The following SNAPIN variants were observed in gnomAD, a reference collection of about 807,000 sequenced individuals.
SNAPIN encodes the protein SNAP associated protein.
In SNAPIN, 16 loss-of-function variants were observed where a neutral mutation model predicts 15.9. The ratio of observed to expected loss-of-function variants is 1.01; its 90% CI spans 0.68 to 1.53. SNAPIN has a LOEUF of 1.53. Ranked by LOEUF, SNAPIN falls within the 40% of genes most tolerant of loss-of-function variation. The pLI is 0.00. For synonymous variants in SNAPIN, 83 were observed against 76.2 expected (o/e 1.09, Z -0.46); for missense variants, 186 against 180.1 (o/e 1.03, Z -0.19).
At chr1:153,659,105 G>T (rs1557948627) in intron 1 of SNAPIN, 33 bp from the exon 2 acceptor site, 3 of 1,613,156 alleles carry the variant, frequency 1.9e-6, no homozygotes, top group Non-Finnish European at 2.5e-6. Flanking sequence ...TCCGGTAACT[G>T]CCTGACCTTG....
Position 153,661,581 on chromosome 1 carries a change from C to T in SNAPIN, c.*280C>T, listed in dbSNP as rs1669165405. 3 of 266,512 alleles carry T rather than the reference C, an allele frequency of 1.1e-5. No homozygotes were observed. Among genetic ancestry groups the T allele is most frequent in the Non-Finnish European group, 2.2e-5 (3 of 133,552 alleles). The allele number at this position is 266,512 out of a possible 1,614,324, so 16.5% of individuals were successfully genotyped here. Reference sequence around the variant, plus strand: ...TCTACTTTTTTTTTTAAGCTGCATACGTGAGGCTTACCTTCTTCAGGACTA... The same window carrying T: ...TCTACTTTTTTTTTTAAGCTGCATATGTGAGGCTTACCTTCTTCAGGACTA... On this transcript the variant is annotated 3_prime_UTR_variant, in exon 4 of 4. Transcript: ENST00000368685.
chr1:153,659,083 C>T, intron 1 of SNAPIN, 55 bp from the exon 2 acceptor site: 6 of 1,597,084 alleles, frequency 3.8e-6, no homozygotes, highest in Non-Finnish European at 5.2e-6. Context: ...TAGGGGAGTT[C>T]GTTTCCTGAG....
At chr1:153,658,702 G>A (rs529095398), upstream of SNAPIN, 1 of 1,486,880 alleles carries the variant, frequency 6.7e-7, no homozygotes, top group Non-Finnish European at 8.9e-7. Context: ...TCCGGTTCCC[G>A]GCGGCCCTCG....
intron 3 of SNAPIN, among the ~76,000 whole-genome samples, chr1:153,660,657 A>G (rs1175660071): frequency 2.7e-5 from 4 of 150,330 alleles, no homozygotes; most frequent in Non-Finnish European, 3.0e-5. Context: ...TCGGGAAAAA[A>G]AAAAAAAAAA....
chr1:153,658,795 G>A lies in SNAPIN; in HGVS notation c.52G>A (p.Gly18Arg). 1 of 1,584,370 alleles carries A rather than the reference G, an allele frequency of 6.3e-7. No homozygotes were observed. The highest frequency in any genetic ancestry group is 2.3e-5 in the East Asian group (1 of 44,200). The change falls in exon 1 of 4, where the codon GGG (glycine) becomes AGG (arginine). Residue 18 changes from glycine to arginine, a missense_variant. Gly to Arg is a moderately radical substitution (Grantham distance 125, BLOSUM62 -2). Coordinates refer to ENST00000368685, the MANE Select transcript of SNAPIN (RefSeq NM_012437.6). The part of the protein sequence containing the change: ...AVSGAGTPVA[G>R]PTGRDLFAEG... ...ATCGGGGGCAGGGACCCCGGTGGCG[G>A]GGCCCACAGGCCGCGACCTTTTCGC... is the stretch of plus-strand genomic sequence containing the variant.
In SNAPIN at chr1:153,660,509, G is replaced by A. The variant is rs191538957; in HGVS notation, c.310-691G>A. Among the ~76,000 whole-genome samples the A allele has an allele frequency of 6.0e-3, 905 of 152,002 alleles. 7 individuals are homozygous for A. The highest frequency in any genetic ancestry group is 0.021 in the African/African-American group (855 of 41,508). On this transcript the variant is annotated intron_variant, in intron 3 of 3. Coordinates refer to ENST00000368685, the MANE Select transcript of SNAPIN (RefSeq NM_012437.6). Reference sequence around the variant, plus strand: ...ACTAAAAATACAAAATTAGCTGGGCGTGGTAGCGCATGCCTGTAATCCCAG... The same window carrying A: ...ACTAAAAATACAAAATTAGCTGGGCATGGTAGCGCATGCCTGTAATCCCAG...
rs77340415 is a variant in SNAPIN, at chr1:153,659,280, C to A, written c.190+96C>A. 4,540 of 1,412,794 alleles carry A rather than the reference C, an allele frequency of 3.2e-3. 126 individuals are homozygous for A. In the African/African-American group the frequency reaches 0.055, roughly 17 times the overall value. The allele number at this position is 1,412,794 out of a possible 1,614,324, so 87.5% of individuals were successfully genotyped here. On this transcript the variant is annotated intron_variant, in intron 2 of 3. Transcript: ENST00000368685. ...TGGGCTGAGTTTCTGTCACTTGCTT[C>A]CAGGGCATCAGGGCTGCCAAAGGAC...
Position 153,661,404 on chromosome 1 carries a change from C to A in SNAPIN, c.*103C>A. ...GAGACAGTCCCCATAGACCTTCAGA[C>A]ATTAAAAAGGGAGCCGTACAGTTTG... is the stretch of plus-strand genomic sequence containing the variant. On this transcript the variant is annotated 3_prime_UTR_variant, in exon 4 of 4. Transcript: ENST00000368685. 1 of 896,834 alleles carries A rather than the reference C, an allele frequency of 1.1e-6. No individual in the cohort carries two copies. Among genetic ancestry groups the A allele is most frequent in the Admixed American group, 2.3e-5 (1 of 43,792 alleles). The allele number at this position is 896,834 out of a possible 1,614,324, so 55.6% of individuals were successfully genotyped here.
At chr1:153,661,049 T>A in intron 3 of SNAPIN, 151 bp from the exon 4 acceptor site, 2 of 538,390 alleles carry the variant, frequency 3.7e-6, no homozygotes, top group Non-Finnish European at 6.8e-6. Context: ...GGATTACAAG[T>A]GTGAGCCACC....
chr1:153,659,189 G>A lies in SNAPIN; in HGVS notation c.190+5G>A, dbSNP rs754511873. 1.2e-6 allele frequency: 2 copies of A among 1,614,094 alleles called. No individual in the cohort carries two copies. Among genetic ancestry groups the A allele is most frequent in the South Asian group, 2.2e-5 (2 of 91,074 alleles). On this transcript the variant is annotated splice_donor_5th_base_variant and intron_variant, in intron 2 of 3. Coordinates refer to ENST00000368685, the MANE Select transcript of SNAPIN (RefSeq NM_012437.6). ...AAATTGACAACCTAGCCACAGGTGA[G>A]TGAGCATCCCTGTGTACCCGGAATT...
chr1:153,658,998 C>T lies in SNAPIN; in HGVS notation c.143+112C>T, dbSNP rs553248123. 5.8e-5 allele frequency: 91 copies of T among 1,571,684 alleles called. 2 individuals carry two copies. The South Asian group carries it at 8.3e-4, about 14-fold the overall frequency. Reference sequence around the variant, plus strand: ...ATAAATTTAGGAAACTGATTCGAGGCGGGGAGGACAGGCGGGAAGGCCGCA... The same window carrying T: ...ATAAATTTAGGAAACTGATTCGAGGTGGGGAGGACAGGCGGGAAGGCCGCA... On this transcript the variant is annotated intron_variant, in intron 1 of 3. Transcript: ENST00000368685.
chr1:153,658,926 G>T (rs1669081937), intron 1 of SNAPIN, 40 bp downstream of exon 1: 1 of 1,604,686 alleles, frequency 6.2e-7, no homozygotes. Context: ...CTGTCTCTCT[G>T]GCTTTGTAGG....
In SNAPIN at chr1:153,661,470, G is replaced by C. The variant is rs1368242836; in HGVS notation, c.*169G>C. 3 of 476,174 alleles carry C rather than the reference G, an allele frequency of 6.3e-6. No homozygotes were observed. The East Asian group carries it at 1.0e-4, about 16-fold the overall frequency. The allele number at this position is 476,174 out of a possible 1,614,324, so 29.5% of individuals were successfully genotyped here. On this transcript the variant is annotated 3_prime_UTR_variant, in exon 4 of 4. Transcript: ENST00000368685. ...CTTACCCATTTATGTAGGGGCCCCA[G>C]GAAACCTACACACAGCCAGAATGAG...
rs1374781079 is a variant in SNAPIN, at chr1:153,661,188, C to T, written c.310-12C>T. The T allele has an allele frequency of 1.9e-6, 3 of 1,611,570 alleles. No individual in the cohort carries two copies. The highest frequency in any genetic ancestry group is 4.5e-5 in the East Asian group (2 of 44,824). ...ACAGTGGTTAAGATTCCAAACCTTC[C>T]TTGTCTTGTAGGAACGACTGAGACG... On this transcript the variant is annotated splice_polypyrimidine_tract_variant and intron_variant, in intron 3 of 3. Transcript: ENST00000368685.
At chr1:153,659,276 G>A (rs1416306141) in intron 2 of SNAPIN, 92 bp downstream of exon 2, 2 of 1,415,816 alleles carry the variant, frequency 1.4e-6, no homozygotes, top group African/African-American at 1.4e-5. Context: ...TCTGTCACTT[G>A]CTTCCAGGGC....
chr1:153,658,892 C>T lies in SNAPIN; in HGVS notation c.143+6C>T, dbSNP rs943114041. On this transcript the variant is annotated splice_donor_region_variant and intron_variant, in intron 1 of 3. Coordinates refer to ENST00000368685, the MANE Select transcript of SNAPIN (RefSeq NM_012437.6). ...TCTCACGTACACGCCGTCAGGTGCC[C>T]GGGAGGGAAGTTGGGGGCGGGGCCT... 7.5e-6 allele frequency: 12 copies of T among 1,609,460 alleles called. No individual in the cohort carries two copies. The highest frequency in any genetic ancestry group is 9.3e-6 in the Non-Finnish European group (11 of 1,179,202).
chr1:153,661,000 C>A (rs943461435), intron 3 of SNAPIN, among the ~76,000 whole-genome samples, 200 bp from the exon 4 acceptor site: 4 of 151,724 alleles, frequency 2.6e-5, no homozygotes, highest in African/African-American at 9.7e-5. Context: ...GAACTCCTGA[C>A]CTCAGGTAAT....
chr1:153,661,560 C>CTTT lies in SNAPIN; in HGVS notation c.*267_*269dup. On this transcript the variant is annotated 3_prime_UTR_variant, in exon 4 of 4. Coordinates refer to ENST00000368685, the MANE Select transcript of SNAPIN (RefSeq NM_012437.6). Reference sequence around the variant, plus strand: ...TTTCACAAATGAGCTGAGGCCTCTACTTTTTTTTTTAAGCTGCATACGTGA... The same window carrying CTTT: ...TTTCACAAATGAGCTGAGGCCTCTACTTTTTTTTTTTTTAAGCTGCATACGTGA... 1 of 259,850 alleles carries CTTT rather than the reference C, an allele frequency of 3.8e-6. No individual in the cohort carries two copies. Among genetic ancestry groups the CTTT allele is most frequent in the Non-Finnish European group, 7.6e-6 (1 of 131,702 alleles). The allele number at this position is 259,850 out of a possible 1,614,324, so 16.1% of individuals were successfully genotyped here.
At chr1:153,660,975 G>T (rs545238015) in intron 3 of SNAPIN, among the ~76,000 whole-genome samples, 2 of 151,674 alleles carry the variant, frequency 1.3e-5, no homozygotes, top group Admixed American at 6.6e-5. Flanking sequence ...TTACCATGTT[G>T]GTCAGGCTGG....
Sources: allele counts gnomAD v4.1 joint callset (sites outside exome capture counted in the v4.1 genomes callset), GRCh38; gene constraint gnomAD v4.1.1; transcripts MANE v1.5; gene names NCBI Gene and HGNC (gene_info 2026-07-23, HGNC 2026-07-21).